Variants in ZCCHC14 observed in about 807,000 individuals in gnomAD.
The protein encoded by ZCCHC14 is zinc finger CCHC-type containing 14.
ZCCHC14 carries 16 observed loss-of-function variants against 85.0 expected under a neutral mutation model. The ratio of observed to expected loss-of-function variants is 0.19; its 90% CI spans 0.13 to 0.29. The LOEUF is 0.29. Ranked by LOEUF, ZCCHC14 falls within the 10% of genes least tolerant of loss-of-function variation. ZCCHC14 has a pLI of 1.00. For synonymous variants in ZCCHC14, 775 were observed against 630.7 expected, an observed-to-expected ratio of 1.23 and a Z score of -3.43; for missense variants, 1,303 against 1,443.5, an observed-to-expected ratio of 0.90 and a Z score of 1.58.
chr16:87,492,057 T>A lies in ZCCHC14; in HGVS notation c.182A>T (p.Asp61Val). ...LARKDYHSLR[D>V]SEIKANNPAD... is the part of the protein sequence containing the mutation. Reference sequence around the variant, plus strand: ...CGGGTTGTTGGCCTTGATCTCCGAGTCGCGCAGCGAGTGGTAGTCCTTGCG... The same window carrying A: ...CGGGTTGTTGGCCTTGATCTCCGAGACGCGCAGCGAGTGGTAGTCCTTGCG... The change falls in exon 1 of 13, where the codon GAC (aspartate) becomes GTC (valine). Residue 61 changes from aspartate (D) to valine (V), a missense_variant. Asp to Val is a radical substitution (Grantham distance 152, BLOSUM62 -3). Coordinates refer to ENST00000671377, the MANE Select transcript of ZCCHC14 (RefSeq NM_015144.3). The surrounding 1 kb of genome is among the most constrained non-coding windows in gnomAD (Gnocchi z 6.7). The A allele has an allele frequency of 7.2e-7, 1 of 1,391,940 alleles. No homozygotes were observed. The highest frequency in any genetic ancestry group is 9.2e-7 in the Non-Finnish European group (1 of 1,082,660). 86.2% of individuals were successfully genotyped at this position (1,391,940 alleles called of 1,614,324 possible).
chr16:87,432,426 C>T (rs1909708499), intron 3 of ZCCHC14, among the ~76,000 whole-genome samples: 1 of 152,214 alleles, frequency 6.6e-6, no homozygotes, highest in Non-Finnish European at 1.5e-5. Flanking sequence ...TTTCTTCCTC[C>T]TGCTGCCCAG....
At position 87,481,540 on chromosome 16, in the gene ZCCHC14, GGT is replaced by G. The variant is rs1567544360; in HGVS notation, c.570+10127_570+10128del. Among the ~76,000 whole-genome samples the G allele has an allele frequency of 4.5e-3, 142 of 31,356 alleles. 2 individuals are homozygous for G. Among genetic ancestry groups the G allele is most frequent in the Non-Finnish European group, 7.8e-3 (91 of 11,694 alleles). The allele number at this position is 31,356 out of a possible 152,430, so 20.6% of individuals were successfully genotyped here. A position where few individuals can be genotyped will look rare whatever the true frequency, so the allele number is the denominator to read the frequency against. On this transcript the variant is annotated intron_variant, in intron 1 of 12. Transcript: ENST00000671377. ...AGGGAGAGAAACGGGGGGGGGGGGG[GGT>G]GGGGGGGGGGAAGGGTAAGCGGGAG...
rs1348573133 is a variant in ZCCHC14, at chr16:87,492,177, G to T, written c.62C>A (p.Pro21Gln). ...DGVYRWFSELPSPQRVEFLCG... is the reference protein window; with the variant it reads ...DGVYRWFSELQSPQRVEFLCG... ...CAGGAACTCCACGCGCTGCGGCGAC[G>T]GCAGCTCCGAGAACCAGCGGTACAC... Residue 21 changes from proline to glutamine, a missense_variant, in exon 1 of 13, where the codon CCG becomes CAG. By Grantham distance (76) the Pro-to-Gln change is moderately conservative. This residue lies in a region of ZCCHC14 where 29 missense variants were observed against 76.8 expected (regional missense o/e 0.38). Coordinates refer to ENST00000671377, the MANE Select transcript of ZCCHC14 (RefSeq NM_015144.3). The surrounding 1 kb of genome is among the most constrained non-coding windows in gnomAD (Gnocchi z 6.7). The T allele has an allele frequency of 2.5e-6, 3 of 1,182,830 alleles. No homozygotes were observed. The highest frequency in any genetic ancestry group is 3.3e-5 in the African/African-American group (2 of 60,728). The allele number at this position is 1,182,830 out of a possible 1,614,324, so 73.3% of individuals were successfully genotyped here.
chr16:87,411,405 C>G (rs759549893), intron 12 of ZCCHC14, 111 bp downstream of exon 12: 119 of 1,526,864 alleles, frequency 7.8e-5, no homozygotes, highest in Admixed American at 2.1e-4. Context: ...AAAGAGCATT[C>G]GAAAAATTAT....
chr16:87,458,447 G>A (rs1394083940), intron 2 of ZCCHC14, among the ~76,000 whole-genome samples: 2 of 152,186 alleles, frequency 1.3e-5, no homozygotes, highest in African/African-American at 4.8e-5. Context: ...AGACTGTTGC[G>A]ACCTCAGGGG....
intron 3 of ZCCHC14, among the ~76,000 whole-genome samples, chr16:87,426,315 C>A (rs1475576150): frequency 6.6e-6 from 1 of 152,244 alleles, no homozygotes; most frequent in Non-Finnish European, 1.5e-5. Context: ...ACGTGTCCAA[C>A]CATACTCACA....
At chr16:87,414,839 G>C (rs944883201) in intron 9 of ZCCHC14, among the ~76,000 whole-genome samples, 1 of 152,254 alleles carries the variant, frequency 6.6e-6, no homozygotes, top group Non-Finnish European at 1.5e-5. Context: ...CCAGCACTTT[G>C]GGAGGCCCAG....
At chr16:87,466,205 G>A (rs900390131) in intron 1 of ZCCHC14, among the ~76,000 whole-genome samples, 1 of 151,846 alleles carries the variant, frequency 6.6e-6, no homozygotes, top group African/African-American at 2.4e-5. Flanking sequence ...CTACTTTACA[G>A]CTCTGTGCTT....
At chr16:87,467,688 G>A (rs1911591019) in intron 1 of ZCCHC14, 4 of 779,638 alleles carry the variant, frequency 5.1e-6, no homozygotes, top group African/African-American at 1.7e-5. Flanking sequence ...GTCTCGCTCT[G>A]TCGCCCAGGC....
chr16:87,464,739 T>C (rs1043383532), intron 1 of ZCCHC14, among the ~76,000 whole-genome samples: 16 of 152,240 alleles, frequency 1.1e-4, no homozygotes, highest in African/African-American at 3.9e-4. Flanking sequence ...TATCGTAACT[T>C]TGTTCCTTTG....
intron 2 of ZCCHC14, among the ~76,000 whole-genome samples, chr16:87,455,144 C>T (rs1910891270): frequency 6.6e-6 from 1 of 152,136 alleles, no homozygotes; most frequent in Non-Finnish European, 1.5e-5. Context: ...CAAAATTAGG[C>T]AGGCGTGGTG....
At chr16:87,439,308 A>G (rs4548881) in intron 2 of ZCCHC14, among the ~76,000 whole-genome samples, 102,305 of 151,776 alleles carry the variant, frequency 0.67, 38,500 homozygotes, top group Non-Finnish European at 0.85. Flanking sequence ...TAATTTTTGT[A>G]TTTTTAGTAG....
Position 87,412,860 on chromosome 16 carries a change from T to C in ZCCHC14, c.1861A>G (p.Ser621Gly), listed in dbSNP as rs1010971954. The change falls in exon 12 of 13, where the codon AGC (serine) becomes GGC (glycine). Residue 621 changes from serine to glycine, a missense_variant. By Grantham distance (56) the Ser-to-Gly change is moderately conservative. Transcript: ENST00000671377. Reference protein sequence around the residue: ...AQVLPVQNEASSNPSGHHPLP... With the variant: ...AQVLPVQNEAGSNPSGHHPLP... The stretch of plus-strand genomic sequence containing the variant: ...GGGTGGTGGCCTGATGGATTGGAGC[T>C]GGCCTCATTCTGCACAGGGAGAACC... 2 of 1,608,276 alleles carry C rather than the reference T, an allele frequency of 1.2e-6. No homozygotes were observed. Among genetic ancestry groups the C allele is most frequent in the Non-Finnish European group, 8.5e-7 (1 of 1,176,742 alleles).
At chr16:87,449,664 G>A (rs1385495861) in intron 2 of ZCCHC14, among the ~76,000 whole-genome samples, 1 of 152,158 alleles carries the variant, frequency 6.6e-6, no homozygotes, top group African/African-American at 2.4e-5. Flanking sequence ...CCAACAATGA[G>A]AAACCACTTC....
intron 2 of ZCCHC14, among the ~76,000 whole-genome samples, chr16:87,459,111 C>G (rs1224031611): frequency 1.3e-5 from 2 of 152,216 alleles, no homozygotes; most frequent in East Asian, 3.8e-4. Flanking sequence ...GGCCGCGCCT[C>G]ACTACCCACG....
rs1206701862 is a variant in ZCCHC14, at chr16:87,491,124, A to C, written c.570+545T>G. Among the ~76,000 whole-genome samples, 1 of 152,266 alleles carries C rather than the reference A, an allele frequency of 6.6e-6. No homozygotes were observed. The highest frequency in any genetic ancestry group is 1.5e-5 in the Non-Finnish European group (1 of 68,044). The stretch of plus-strand genomic sequence containing the variant: ...ACCCAAGGGCCCCATTAAGGGGACA[A>C]AGGCCTTATCGCGTTTGCAGCCGGC... On this transcript the variant is annotated intron_variant, in intron 1 of 12. Coordinates refer to ENST00000671377, the MANE Select transcript of ZCCHC14 (RefSeq NM_015144.3). The surrounding 1 kb of genome is among the most constrained non-coding windows in gnomAD (Gnocchi z 5.9).
chr16:87,410,723 C>A (rs1195174487), intron 12 of ZCCHC14, among the ~76,000 whole-genome samples: 1 of 152,198 alleles, frequency 6.6e-6, no homozygotes, highest in Admixed American at 6.5e-5. Context: ...CAGGCCCACC[C>A]GGGCCCGCAT....
intron 2 of ZCCHC14, among the ~76,000 whole-genome samples, chr16:87,451,623 A>C (rs1267584666): frequency 6.6e-6 from 1 of 152,256 alleles, no homozygotes; most frequent in African/African-American, 2.4e-5. Flanking sequence ...AGCGCCAGCC[A>C]TAAGTGATAT....
chr16:87,454,914 G>C (rs1910879207), intron 2 of ZCCHC14, among the ~76,000 whole-genome samples: 1 of 152,244 alleles, frequency 6.6e-6, no homozygotes, highest in Admixed American at 6.5e-5. Context: ...TGTGTCATCT[G>C]CCGATCCACA....
Sources: gnomAD v4.1 joint callset for allele counts (sites outside exome capture counted in the v4.1 genomes callset) on GRCh38, gnomAD v4.1.1 for gene constraint, gnomAD v4.1.1 regional missense constraint, Gnocchi (gnomAD v3.1) non-coding constraint, MANE v1.5 for transcripts, NCBI Gene and HGNC (gene_info 2026-07-23, HGNC 2026-07-21) for gene names.